Variants in SNX14 observed in about 807,000 individuals in gnomAD.
SNX14 encodes the protein sorting nexin-14.
In SNX14, 93 loss-of-function variants were observed where a neutral mutation model predicts 133.8. The ratio of observed to expected loss-of-function variants is 0.70; its 90% CI spans 0.59 to 0.83. The LOEUF (loss-of-function observed/expected upper bound fraction) is 0.83. Among genes scored for constraint, SNX14 ranks in the 40% least tolerant of loss-of-function variants. SNX14 has a pLI of 0.00. For synonymous variants in SNX14, 368 were observed against 365.6 expected (o/e 1.01, Z -0.07); for missense variants, 945 against 1,094.9 (o/e 0.86, Z 1.93).
At chr6:85,554,868 G>T (rs1277625693) in intron 7 of SNX14, among the ~76,000 whole-genome samples, 1 of 151,490 alleles carries the variant, frequency 6.6e-6, no homozygotes, top group Non-Finnish European at 1.5e-5. Context: ...TGCCCAGGCT[G>T]GAGTGTAATT....
chr6:85,580,812 A>T (rs1219717700), intron 1 of SNX14, among the ~76,000 whole-genome samples: 17 of 152,180 alleles, frequency 1.1e-4, no homozygotes. Context: ...CTTGTGGTAT[A>T]GGTGCCAGCT....
In SNX14 at chr6:85,572,137, C is replaced by T; in HGVS notation, c.417G>A (p.Glu139=). 1 of 1,611,298 alleles carries T rather than the reference C, an allele frequency of 6.2e-7. No individual in the cohort carries two copies. Among genetic ancestry groups the T allele is most frequent in the South Asian group, 1.1e-5 (1 of 90,662 alleles). The change falls in exon 4 of 29, where the codon GAG becomes GAA. Residue 139 remains glutamate (E), a splice_region_variant and synonymous_variant. Coordinates refer to ENST00000314673, the MANE Select transcript of SNX14 (RefSeq NM_153816.6). ...ISSKVDASLS[E]VLELVLENFV... ...TAATAATATTAATTAAATCAGTTACCTCTGAGAGAGATGCATCAACCTTGG... is the reference window on the plus strand; with the variant it reads ...TAATAATATTAATTAAATCAGTTACTTCTGAGAGAGATGCATCAACCTTGG...
intron 1 of SNX14, among the ~76,000 whole-genome samples, chr6:85,582,178 G>C (rs1363863397): frequency 6.6e-6 from 1 of 152,238 alleles, no homozygotes; most frequent in South Asian, 2.1e-4. Context: ...TACAGGTCAG[G>C]AGAGACATAG....
Position 85,565,054 on chromosome 6 carries a change from T to C in SNX14, c.549+278A>G, listed in dbSNP as rs1582972218. ...TACACTTAGAAAGAGTAAGACCTAA[T>C]ATTTGATAGAGCAGGGTGAGTATAG... On this transcript the variant is annotated intron_variant, in intron 6 of 28. Coordinates refer to ENST00000314673, the MANE Select transcript of SNX14 (RefSeq NM_153816.6). Among the ~76,000 whole-genome samples the C allele has an allele frequency of 3.9e-5, 6 of 152,100 alleles. No homozygotes were observed. The East Asian group carries it at 1.2e-3, about 29-fold the overall frequency.
chr6:85,506,261 A>T (rs898069590), intron 28 of SNX14, among the ~76,000 whole-genome samples: 1 of 152,156 alleles, frequency 6.6e-6, no homozygotes, highest in African/African-American at 2.4e-5. Flanking sequence ...AATTAAAGAT[A>T]CAAAGTCTGT....
At position 85,593,616 on chromosome 6, in the gene SNX14, G is replaced by A. The variant is rs1483649755; in HGVS notation, c.103C>T (p.Leu35=). The change falls in exon 1 of 29, where the codon CTG becomes TTG. Residue 35 remains leucine, a synonymous_variant. Coordinates refer to ENST00000314673, the MANE Select transcript of SNX14 (RefSeq NM_153816.6). ...AGGGAGGCGGCGCTGAGACAGAGCA[G>A]CAGGAAGCAGAACAGCGGGTACTGG... ...CRQYPLFCFL[L]LCLSAASLLL... The A allele has an allele frequency of 1.2e-6, 2 of 1,613,482 alleles. No individual in the cohort carries two copies. The highest frequency in any genetic ancestry group is 1.7e-5 in the Admixed American group (1 of 59,978).
chr6:85,509,850 C>G (rs1252978137), intron 26 of SNX14, among the ~76,000 whole-genome samples: 1 of 152,142 alleles, frequency 6.6e-6, no homozygotes, highest in Non-Finnish European at 1.5e-5. Flanking sequence ...CCACTGTCTT[C>G]TTAGTTTTGC....
At chr6:85,507,463 T>G (rs749445978) in intron 27 of SNX14, among the ~76,000 whole-genome samples, 174 bp from the exon 28 acceptor site, 6 of 152,186 alleles carry the variant, frequency 3.9e-5, no homozygotes, top group Non-Finnish European at 8.8e-5. Flanking sequence ...TAATGTTCTA[T>G]TCTCAAAATA....
intron 7 of SNX14, among the ~76,000 whole-genome samples, chr6:85,557,255 C>T (rs987050732): frequency 3.9e-5 from 6 of 152,030 alleles, no homozygotes; most frequent in African/African-American, 4.8e-5. Context: ...CTAAGTACAG[C>T]GCATAGAAGT....
intron 27 of SNX14, 142 bp downstream of exon 27, chr6:85,507,825 CT>C (rs951193633): frequency 6.5e-6 from 3 of 459,566 alleles, no homozygotes; most frequent in Admixed American, 4.4e-5. Flanking sequence ...TCAAATAAAA[CT>C]TTTTTTCTAT....
At chr6:85,584,145 A>C (rs1025714993) in intron 1 of SNX14, among the ~76,000 whole-genome samples, 2 of 152,152 alleles carry the variant, frequency 1.3e-5, no homozygotes, top group Non-Finnish European at 2.9e-5. Context: ...ACAAGCAATG[A>C]AGAAAGGATT....
chr6:85,588,583 A>ATAAATAAATAAATAAAT (rs1186508539), intron 1 of SNX14, among the ~76,000 whole-genome samples: 6 of 152,074 alleles, frequency 3.9e-5, no homozygotes, highest in African/African-American at 1.4e-4. Flanking sequence ...CTCTAAATAA[A>ATAAATAAATAAATAAAT]TAAATAAATA....
rs376537142 is a variant in SNX14 at position 85,538,824 on chromosome 6, T to C, written c.1475+14A>G. 5.6e-5 allele frequency: 89 copies of C among 1,587,438 alleles called. No individual in the cohort carries two copies. In the African/African-American group the frequency reaches 8.6e-4, roughly 15 times the overall value. Reference sequence around the variant, plus strand: ...ACATTTAATACTGAAAAGAATCACATGCTCAAGACTTACCGAAAATCATCC... The same window carrying C: ...ACATTTAATACTGAAAAGAATCACACGCTCAAGACTTACCGAAAATCATCC... On this transcript the variant is annotated intron_variant, in intron 16 of 28. Coordinates refer to ENST00000314673, the MANE Select transcript of SNX14 (RefSeq NM_153816.6).
chr6:85,547,954 T>C (rs967108077), intron 9 of SNX14, among the ~76,000 whole-genome samples: 5 of 152,196 alleles, frequency 3.3e-5, no homozygotes, highest in Non-Finnish European at 7.3e-5. Flanking sequence ...ACAACATGGA[T>C]GAACCTTGAA....
chr6:85,528,182 C>G (rs560273154), intron 20 of SNX14, 80 bp downstream of exon 20: 8 of 902,922 alleles, frequency 8.9e-6, no homozygotes, highest in Middle Eastern at 2.4e-4. Context: ...AACCAAAGAA[C>G]ATATACACAA....
At chr6:85,555,130 G>A (rs1789237733) in intron 7 of SNX14, among the ~76,000 whole-genome samples, 1 of 152,248 alleles carries the variant, frequency 6.6e-6, no homozygotes, top group South Asian at 2.1e-4. Flanking sequence ...CACTCTCATA[G>A]AGACAAAGCA....
At chr6:85,552,202 A>G (rs1170886833) in intron 7 of SNX14, among the ~76,000 whole-genome samples, 1 of 151,136 alleles carries the variant, frequency 6.6e-6, no homozygotes, top group Non-Finnish European at 1.5e-5. Flanking sequence ...ACACCCGGCT[A>G]ATTTTTTGTA....
chr6:85,508,494 T>A, intron 26 of SNX14: 2 of 519,714 alleles, frequency 3.8e-6, no homozygotes, highest in Non-Finnish European at 4.9e-6. Context: ...ATAAGCCGAC[T>A]TCTACCCAGT....
intron 9 of SNX14, 35 bp downstream of exon 9, chr6:85,548,266 T>C: frequency 1.4e-6 from 2 of 1,448,690 alleles, no homozygotes; most frequent in Non-Finnish European, 1.9e-6. Context: ...TTAAGTGTAA[T>C]TTGTAACAAT....
Sources: gnomAD v4.1 joint callset for allele counts (sites outside exome capture counted in the v4.1 genomes callset) on GRCh38, gnomAD v4.1.1 for gene constraint, MANE v1.5 for transcripts, NCBI Gene and HGNC (gene_info 2026-07-23, HGNC 2026-07-21) for gene names.